The following DLG1 variants were observed in gnomAD, a reference collection of about 807,000 sequenced individuals.
DLG1 encodes the protein discs large MAGUK scaffold protein 1, also known as disks large homolog 1.
Under a neutral mutation model 123.4 loss-of-function variants are expected in DLG1, and 42 were observed. That is an observed-to-expected ratio of 0.34 (90% CI 0.27 to 0.44). The LOEUF is 0.44. Among genes scored for constraint, DLG1 ranks in the 20% least tolerant of loss-of-function variants. DLG1 has a pLI of 1.00. For missense variants in DLG1, 942 were observed against 1,082.6 expected, an observed-to-expected ratio of 0.87 and a Z score of 1.82; for synonymous variants, 317 against 356.2, an observed-to-expected ratio of 0.89 and a Z score of 1.24.
At chr3:197,297,431 A>G in intron 1 of DLG1, 196 bp from the exon 2 acceptor site, 2 of 1,405,084 alleles carry the variant, frequency 1.4e-6, no homozygotes, top group Middle Eastern at 2.5e-4. Flanking sequence ...GTACCCCTCC[A>G]AATTAAGAAC....
chr3:197,237,006 A>G, intron 4 of DLG1, among the ~76,000 whole-genome samples: 1 of 152,204 alleles, frequency 6.6e-6, no homozygotes, highest in East Asian at 1.9e-4. Context: ...TGCAAAAAAC[A>G]AAAACAACCC....
intron 4 of DLG1, among the ~76,000 whole-genome samples, chr3:197,280,975 C>T (rs1230768873): frequency 6.6e-6 from 1 of 150,454 alleles, no homozygotes; most frequent in East Asian, 2.0e-4. Context: ...CTCAACATGG[C>T]AGAAAGCAAA....
At chr3:197,045,054 T>G (rs1348789071) in intron 24 of DLG1, among the ~76,000 whole-genome samples, 1 of 152,054 alleles carries the variant, frequency 6.6e-6, no homozygotes, top group Non-Finnish European at 1.5e-5. Context: ...CATAAACATA[T>G]GTAGAAAAAA....
chr3:197,046,596 G>A (rs1442647356), intron 24 of DLG1, among the ~76,000 whole-genome samples: 1 of 152,214 alleles, frequency 6.6e-6, no homozygotes. Flanking sequence ...CTTTGGCCGG[G>A]TGCAGTGGCT....
At chr3:197,236,320 A>T (rs921191612) in intron 4 of DLG1, among the ~76,000 whole-genome samples, 2 of 147,290 alleles carry the variant, frequency 1.4e-5, no homozygotes, top group Non-Finnish European at 2.9e-5. Flanking sequence ...CTCAAAAATT[A>T]AAAAAAAGAC....
chr3:197,155,917 C>T (rs1368060945), intron 5 of DLG1, among the ~76,000 whole-genome samples: 1 of 152,042 alleles, frequency 6.6e-6, no homozygotes, highest in Non-Finnish European at 1.5e-5. Context: ...CCACTGCACT[C>T]CAGCCTGGGC....
At chr3:197,268,515 G>C (rs543209474) in intron 4 of DLG1, among the ~76,000 whole-genome samples, 1 of 152,076 alleles carries the variant, frequency 6.6e-6, no homozygotes, top group South Asian at 2.1e-4. Flanking sequence ...GACCTCCTGG[G>C]CTCAAGCAAT....
rs71623339 is a variant in DLG1 at position 197,158,634 on chromosome 3, C to CAAA, written c.484-8841_484-8839dup. Among the ~76,000 whole-genome samples the CAAA allele has an allele frequency of 1.6e-3, 107 of 67,486 alleles. 3 individuals are homozygous for CAAA. Among genetic ancestry groups the CAAA allele is most frequent in the African/African-American group, 3.6e-3 (66 of 18,126 alleles). 44.3% of individuals were successfully genotyped at this position (67,486 alleles called of 152,430 possible). Reference sequence around the variant, plus strand: ...GGGTAACAAGAGCAAAACTCCATTTCAAAAAAAAAAAAAAAAAAAAAAAGC... The same window carrying CAAA: ...GGGTAACAAGAGCAAAACTCCATTTCAAAAAAAAAAAAAAAAAAAAAAAAAAGC... On this transcript the variant is annotated intron_variant, in intron 5 of 24. Transcript: ENST00000667157.
intron 4 of DLG1, among the ~76,000 whole-genome samples, chr3:197,275,727 T>C (rs1463096015): frequency 1.3e-5 from 2 of 152,174 alleles, no homozygotes; most frequent in African/African-American, 4.8e-5. Context: ...TGGTAGTTTA[T>C]CAGAGGCTGA....
rs1734528867 is a variant in DLG1, at chr3:197,059,815, AG to A, written c.2483+73del. The stretch of plus-strand genomic sequence containing the variant: ...CAATTTTATAGATAAACTGAGATGC[AG>A]GGAGAGTAAATAAATTACCCTACAG... On this transcript the variant is annotated intron_variant, in intron 23 of 24. Coordinates refer to ENST00000667157, the MANE Select transcript of DLG1 (RefSeq NM_001366207.1). 7 of 919,096 alleles carry A rather than the reference AG, an allele frequency of 7.6e-6. No homozygotes were observed. In the East Asian group the frequency reaches 1.7e-4, roughly 23 times the overall value. The allele number at this position is 919,096 out of a possible 1,614,324, so 56.9% of individuals were successfully genotyped here.
chr3:197,206,475 T>A (rs1156667374), intron 4 of DLG1, among the ~76,000 whole-genome samples: 3 of 150,750 alleles, frequency 2.0e-5, no homozygotes, highest in Admixed American at 6.6e-5. Flanking sequence ...AATTTTTGTA[T>A]TTTTTGTGGA....
intron 17 of DLG1, chr3:197,080,753 T>G (rs1288895198): frequency 4.7e-6 from 1 of 213,380 alleles, no homozygotes; most frequent in Non-Finnish European, 9.4e-6. Flanking sequence ...TGAGCCACCA[T>G]GCCCGGCCTA....
chr3:197,238,381 C>T (rs1018496827), intron 4 of DLG1, among the ~76,000 whole-genome samples: 3 of 151,990 alleles, frequency 2.0e-5, no homozygotes, highest in African/African-American at 7.2e-5. Context: ...AATTAATGAA[C>T]AATTACAAAT....
intron 11 of DLG1, among the ~76,000 whole-genome samples, chr3:197,120,270 AAAG>A (rs1775591393): frequency 1.3e-5 from 1 of 77,016 alleles, no homozygotes; most frequent in Non-Finnish European, 2.7e-5. Flanking sequence ...CTGTCTCGAG[AAAG>A]AAAAAAAAAA....
At chr3:197,082,369 C>T (rs1751689877) in intron 16 of DLG1, among the ~76,000 whole-genome samples, 1 of 151,894 alleles carries the variant, frequency 6.6e-6, no homozygotes, top group Non-Finnish European at 1.5e-5. Flanking sequence ...GACTCCGTCC[C>T]CCACCCCAAA....
At chr3:197,290,897 T>TAAAAA (rs34807556) in intron 3 of DLG1, among the ~76,000 whole-genome samples, 2 of 87,968 alleles carry the variant, frequency 2.3e-5, no homozygotes, top group Non-Finnish European at 2.1e-5. Flanking sequence ...CTCCAAATAG[T>TAAAAA]AAAAAAAAAA....
At chr3:197,141,895 C>A (rs890542103) in intron 7 of DLG1, among the ~76,000 whole-genome samples, 1 of 152,060 alleles carries the variant, frequency 6.6e-6, no homozygotes, top group East Asian at 1.9e-4. Context: ...TTAGTAGAGA[C>A]GGAGTTTTGC....
At chr3:197,269,895 C>A (rs989338058) in intron 4 of DLG1, among the ~76,000 whole-genome samples, 11 of 152,102 alleles carry the variant, frequency 7.2e-5, no homozygotes, top group Non-Finnish European at 5.9e-5. Context: ...ATATTGTATT[C>A]ATTTTAAAAT....
At chr3:197,286,107 A>T (rs1346705183) in intron 3 of DLG1, among the ~76,000 whole-genome samples, 1 of 152,222 alleles carries the variant, frequency 6.6e-6, no homozygotes, top group Non-Finnish European at 1.5e-5. Context: ...TAACTGAAAA[A>T]AGCCAATCTA....
Sources: allele counts gnomAD v4.1 joint callset (sites outside exome capture counted in the v4.1 genomes callset), GRCh38; gene constraint gnomAD v4.1.1; transcripts MANE v1.5; gene names NCBI Gene and HGNC (gene_info 2026-07-23, HGNC 2026-07-21).